Variants in LRP1B observed in about 807,000 individuals in gnomAD.
LRP1B encodes low-density lipoprotein receptor-related protein 1B.
A neutral mutation model predicts 556.6 loss-of-function variants in LRP1B; 217 were observed. The ratio of observed to expected loss-of-function variants is 0.39; its 90% CI spans 0.35 to 0.44. The LOEUF (loss-of-function observed/expected upper bound fraction) is 0.44. LRP1B is among the 20% of genes least tolerant of loss of function. The probability of loss-of-function intolerance (pLI) is 1.00; values close to 1 mark genes in which losing one functional copy is unlikely to be tolerated. For synonymous variants in LRP1B, 2,047 were observed against 1,865.8 expected, an observed-to-expected ratio of 1.10 and a Z score of -2.50; for missense variants, 5,053 against 5,620.8, an observed-to-expected ratio of 0.90 and a Z score of 3.23.
chr2:140,746,643 A>T (rs1318619503), intron 35 of LRP1B, among the ~76,000 whole-genome samples: 1 of 152,128 alleles, frequency 6.6e-6, no homozygotes, highest in Non-Finnish European at 1.5e-5. Flanking sequence ...AAATGCACGC[A>T]GGAGAGCCAT....
At chr2:142,093,640 C>T (rs1267318331) in intron 1 of LRP1B, among the ~76,000 whole-genome samples, 1 of 151,906 alleles carries the variant, frequency 6.6e-6, no homozygotes, top group East Asian at 1.9e-4. Flanking sequence ...ACCGGATTTC[C>T]AAGAAAGTGT....
chr2:141,168,616 GTT>G (rs1680366269), intron 7 of LRP1B, among the ~76,000 whole-genome samples: 1 of 152,026 alleles, frequency 6.6e-6, no homozygotes, highest in Non-Finnish European at 1.5e-5. Flanking sequence ...TTTCAAGGAT[GTT>G]TTGCTCCAAA....
intron 1 of LRP1B, among the ~76,000 whole-genome samples, chr2:142,035,449 A>C (rs927513583): frequency 6.6e-6 from 1 of 151,532 alleles, no homozygotes; most frequent in Non-Finnish European, 1.5e-5. Context: ...AGGGTAGTGG[A>C]GCACACTTAT....
chr2:142,090,492 A>G (rs2104948426), intron 1 of LRP1B, among the ~76,000 whole-genome samples: 1 of 152,252 alleles, frequency 6.6e-6, no homozygotes, highest in African/African-American at 2.4e-5. Flanking sequence ...ATAATTATAC[A>G]CAGGAAAGAT....
At chr2:140,990,594 A>G (rs1697064176) in intron 16 of LRP1B, among the ~76,000 whole-genome samples, 1 of 151,972 alleles carries the variant, frequency 6.6e-6, no homozygotes, top group African/African-American at 2.4e-5. Flanking sequence ...TTTCTTCCCT[A>G]GTACAAACAA....
At position 140,836,979 on chromosome 2, in the gene LRP1B, C is replaced by T. The variant is rs560878244; in HGVS notation, c.5209+3012G>A. Among the ~76,000 whole-genome samples the T allele has an allele frequency of 7.7e-4, 117 of 152,270 alleles. 1 individual carries two copies. The highest frequency in any genetic ancestry group is 1.3e-3 in the Non-Finnish European group (87 of 68,022). On this transcript the variant is annotated intron_variant, in intron 31 of 90. Coordinates refer to ENST00000389484, the MANE Select transcript of LRP1B (RefSeq NM_018557.3). Reference sequence around the variant, plus strand: ...AACATTTGGTCATTTCAGAGGCCCACTTGGTTACATATATTTCCTCTACTA... The same window carrying T: ...AACATTTGGTCATTTCAGAGGCCCATTTGGTTACATATATTTCCTCTACTA...
At chr2:140,483,615 C>CACACACATAT (rs1403726877) in intron 59 of LRP1B, among the ~76,000 whole-genome samples, 3 of 88,352 alleles carry the variant, frequency 3.4e-5, no homozygotes, top group African/African-American at 1.4e-4. Flanking sequence ...CACACACACA[C>CACACACATAT]ATATATATAT....
chr2:141,201,464 T>C lies in LRP1B; in HGVS notation c.851-12881A>G, dbSNP rs560227581. ...TGTTCCTATCCTCTAGGAAAGAATT[T>C]ACTGACACCTAGTCCACGGTTTTAT... On this transcript the variant is annotated intron_variant, in intron 6 of 90. Transcript: ENST00000389484. 9.8e-4 allele frequency among the ~76,000 whole-genome samples: 150 copies of C among 152,292 alleles called. 2 individuals are homozygous for C. Among genetic ancestry groups the C allele is most frequent in the Middle Eastern group, 3.4e-3 (1 of 294 alleles).
rs1465831999 is a variant in LRP1B, at chr2:141,810,343, G to A, written c.141C>T (p.Ser47=). The change falls in exon 2 of 91, where the codon TCC becomes TCT. Residue 47 remains serine (S), a synonymous_variant. Transcript: ENST00000389484. ...GGTCCCCATCACACAGCCAGCTCTGGGAGACACAAGTCACGTGATCGTGGC... is the reference window on the plus strand; with the variant it reads ...GGTCCCCATCACACAGCCAGCTCTGAGAGACACAAGTCACGTGATCGTGGC... ...FLCHDHVTCV[S]QSWLCDGDPD... 1 of 1,613,006 alleles carries A rather than the reference G, an allele frequency of 6.2e-7. No homozygotes were observed. Among genetic ancestry groups the A allele is most frequent in the East Asian group, 2.2e-5 (1 of 44,834 alleles).
chr2:141,233,976 A>G (rs954522280), intron 5 of LRP1B, among the ~76,000 whole-genome samples: 2 of 152,138 alleles, frequency 1.3e-5, no homozygotes, highest in Admixed American at 6.5e-5. Context: ...AGCTCCCAGC[A>G]TGTGCACATC....
At chr2:141,273,193 C>T (rs1685154739) in intron 3 of LRP1B, among the ~76,000 whole-genome samples, 1 of 152,006 alleles carries the variant, frequency 6.6e-6, no homozygotes, top group Non-Finnish European at 1.5e-5. Context: ...CCTGTACTCC[C>T]AGCTACTTGG....
At chr2:140,599,905 T>C (rs1442084752) in intron 42 of LRP1B, among the ~76,000 whole-genome samples, 2 of 152,078 alleles carry the variant, frequency 1.3e-5, no homozygotes, top group Admixed American at 1.3e-4. Context: ...TGATTTGCGA[T>C]TTAGGATTTC....
chr2:140,997,114 AAAGT>A lies in LRP1B; in HGVS notation c.2504-2983_2504-2980del, dbSNP rs572812134. On this transcript the variant is annotated intron_variant, in intron 15 of 90. Coordinates refer to ENST00000389484, the MANE Select transcript of LRP1B (RefSeq NM_018557.3). ...ATGATCTCACCAATAAAAAATTGACAAAGTAATAAATAATCCTATAATTTAACCA... is the reference window on the plus strand; with the variant it reads ...ATGATCTCACCAATAAAAAATTGACAAATAAATAATCCTATAATTTAACCA... Among the ~76,000 whole-genome samples the A allele has an allele frequency of 7.9e-5, 12 of 152,008 alleles. No homozygotes were observed. In the South Asian group the frequency reaches 2.1e-3, roughly 26 times the overall value.
intron 1 of LRP1B, among the ~76,000 whole-genome samples, chr2:141,888,295 A>T (rs1699184679): frequency 1.3e-5 from 2 of 152,160 alleles, no homozygotes; most frequent in Admixed American, 6.6e-5. Context: ...TTTTCTGAGA[A>T]CTCTGTGCCA....
chr2:140,526,203 G>A (rs779744715), intron 48 of LRP1B, 34 bp downstream of exon 48: 1 of 1,585,502 alleles, frequency 6.3e-7, no homozygotes, highest in Non-Finnish European at 8.7e-7. Flanking sequence ...AAGTGCCCAA[G>A]CATAAACAGA....
chr2:141,785,742 G>C (rs996050484), intron 2 of LRP1B, among the ~76,000 whole-genome samples: 1 of 151,258 alleles, frequency 6.6e-6, no homozygotes, highest in South Asian at 2.1e-4. Context: ...TCTTGGAACT[G>C]ATAGAGTCCA....
chr2:141,939,748 T>A (rs1483709412), intron 1 of LRP1B, among the ~76,000 whole-genome samples: 1 of 152,076 alleles, frequency 6.6e-6, no homozygotes, highest in Non-Finnish European at 1.5e-5. Flanking sequence ...GTTTCATCGA[T>A]GTCATGTTAA....
At chr2:141,607,501 C>G (rs1687959610) in intron 2 of LRP1B, among the ~76,000 whole-genome samples, 1 of 152,188 alleles carries the variant, frequency 6.6e-6, no homozygotes, top group Non-Finnish European at 1.5e-5. Context: ...CACCCTACCC[C>G]ATCCCCTCAT....
intron 66 of LRP1B, among the ~76,000 whole-genome samples, chr2:140,434,001 A>G (rs1341402231): frequency 6.6e-6 from 1 of 151,982 alleles, no homozygotes; most frequent in Non-Finnish European, 1.5e-5. Flanking sequence ...CTCAGGGAAG[A>G]TCTGTTCTCT....
Sources: gnomAD v4.1 joint callset for allele counts (sites outside exome capture counted in the v4.1 genomes callset) on GRCh38, gnomAD v4.1.1 for gene constraint, MANE v1.5 for transcripts, NCBI Gene and HGNC (gene_info 2026-07-23, HGNC 2026-07-21) for gene names.